The following RGPD4 variants were observed in gnomAD, a reference collection of about 807,000 sequenced individuals.
RGPD4 encodes the protein ranBP2-like and GRIP domain-containing protein 4.
In RGPD4, 84 loss-of-function variants were observed where a neutral mutation model predicts 141.1. The observed-to-expected ratio is 0.60, with a 90% CI of 0.50 to 0.71. The LOEUF is 0.71. RGPD4 is among the 30% of genes least tolerant of loss of function. The pLI, the probability that RGPD4 is intolerant of heterozygous loss-of-function variation, is 0.00. For synonymous variants in RGPD4, 298 were observed against 566.8 expected, an observed-to-expected ratio of 0.53 and a Z score of 6.74; for missense variants, 918 against 1,622.4, an observed-to-expected ratio of 0.57 and a Z score of 7.46.
chr2:107,879,894 A>C (rs1188838576), intron 20 of RGPD4, 74 bp from the exon 21 acceptor site: 6 of 1,557,050 alleles, frequency 3.9e-6, no homozygotes, highest in Admixed American at 1.8e-5. Flanking sequence ...ATTTATATTT[A>C]GATTTTTCTT....
At chr2:107,880,134 G>T in intron 21 of RGPD4, 27 bp downstream of exon 21, 4 of 1,611,198 alleles carry the variant, frequency 2.5e-6, no homozygotes, top group Non-Finnish European at 3.4e-6. Flanking sequence ...TGGCCACCAT[G>T]AAAACTGCCA....
At chr2:107,845,686 C>T (rs1388288893) in intron 6 of RGPD4, among the ~76,000 whole-genome samples, 1 of 152,412 alleles carries the variant, frequency 6.6e-6, no homozygotes, top group Non-Finnish European at 1.5e-5. Flanking sequence ...GCCTCAGCCT[C>T]CTGAGTAGCT....
At chr2:107,885,114 A>C (rs538369476) in intron 22 of RGPD4, among the ~76,000 whole-genome samples, 2 of 152,098 alleles carry the variant, frequency 1.3e-5, no homozygotes, top group Non-Finnish European at 2.9e-5. Context: ...ATAAGAATAC[A>C]TCATGTATAT....
intron 20 of RGPD4, among the ~76,000 whole-genome samples, chr2:107,874,186 A>G (rs1221419748): frequency 6.6e-6 from 1 of 151,596 alleles, no homozygotes; most frequent in East Asian, 1.9e-4. Context: ...AACGTCTGCC[A>G]GTATTCACAT....
chr2:107,872,835 G>A lies in RGPD4; in HGVS notation c.4831G>A (p.Glu1611Lys), dbSNP rs958321250. 1.6e-5 allele frequency: 25 copies of A among 1,605,782 alleles called. 1 individual carries two copies. In the African/African-American group the frequency reaches 1.9e-4, roughly 12 times the overall value. The change falls in exon 20 of 23, where the codon GAA (glutamate) becomes AAA (lysine). Residue 1611 changes from glutamate (E) to lysine (K), a missense_variant. By Grantham distance (56) the Glu-to-Lys change is moderately conservative. Transcript: ENST00000408999. ...KCELSKNSDI[E>K]QSSDSKVKNL... ...TGAACTGTCAAAGAACTCTGATATC[G>A]AACAGTCTTCAGATAGCAAAGTCAA...
chr2:107,827,633 C>T (rs1681265698), intron 1 of RGPD4, among the ~76,000 whole-genome samples: 1 of 55,968 alleles, frequency 1.8e-5, no homozygotes, highest in African/African-American at 8.5e-5. Flanking sequence ...GGCGTCATGG[C>T]TCCCGACGGG....
At position 107,826,982 on chromosome 2, in the gene RGPD4, T is replaced by A; in HGVS notation, c.-32T>A. 1 of 1,586,782 alleles carries A rather than the reference T, an allele frequency of 6.3e-7. No homozygotes were observed. The highest frequency in any genetic ancestry group is 8.6e-7 in the Non-Finnish European group (1 of 1,168,260). ...ACTGCTGCGGGGCTGAGCGCTGGTT[T>A]CACGCGTCTCGGGAGCCAGGTTGGT... On this transcript the variant is annotated 5_prime_UTR_variant, in exon 1 of 23. Coordinates refer to ENST00000408999, the MANE Select transcript of RGPD4 (RefSeq NM_182588.3).
At chr2:107,887,061 G>A (rs1342412913) in intron 22 of RGPD4, among the ~76,000 whole-genome samples, 2 of 147,518 alleles carry the variant, frequency 1.4e-5, no homozygotes, top group Non-Finnish European at 1.5e-5. Context: ...TGGGCAACAT[G>A]GCGAGACCCT....
At chr2:107,833,835 G>C (rs1156613405) in intron 1 of RGPD4, among the ~76,000 whole-genome samples, 1 of 152,040 alleles carries the variant, frequency 6.6e-6, no homozygotes, top group African/African-American at 2.4e-5. Flanking sequence ...TCGAGAGAGC[G>C]ACACCATCTG....
chr2:107,873,688 A>C (rs1333628195), intron 20 of RGPD4, among the ~76,000 whole-genome samples: 1 of 151,886 alleles, frequency 6.6e-6, no homozygotes, highest in Non-Finnish European at 1.5e-5. Flanking sequence ...ACAGGGATAA[A>C]TGAATATGTA....
chr2:107,883,834 C>T (rs904494992), intron 22 of RGPD4, among the ~76,000 whole-genome samples: 1 of 152,048 alleles, frequency 6.6e-6, no homozygotes, highest in Non-Finnish European at 1.5e-5. Context: ...TTTACAAGCA[C>T]AAGGAAGGCG....
At chr2:107,865,672 T>C (rs1387307007) in intron 17 of RGPD4, among the ~76,000 whole-genome samples, 1 of 151,954 alleles carries the variant, frequency 6.6e-6, no homozygotes, top group Non-Finnish European at 1.5e-5. Context: ...AAGTTTTGTA[T>C]TAACGAATGA....
chr2:107,878,002 A>G (rs1044442237), intron 20 of RGPD4, among the ~76,000 whole-genome samples: 2 of 151,152 alleles, frequency 1.3e-5, no homozygotes, highest in Admixed American at 6.6e-5. Context: ...TAGTAGAGAT[A>G]GGGTTTCACC....
chr2:107,832,917 CTT>C (rs1279399657), intron 1 of RGPD4, among the ~76,000 whole-genome samples: 1 of 148,908 alleles, frequency 6.7e-6, no homozygotes, highest in Non-Finnish European at 1.5e-5. Context: ...ATTTCTTACC[CTT>C]TTTTTTAATG....
chr2:107,827,143 ACCTGG>A (rs1681223413), intron 1 of RGPD4, 58 bp downstream of exon 1: 1 of 566,388 alleles, frequency 1.8e-6, no homozygotes, highest in Non-Finnish European at 2.4e-6. Context: ...GGAGGCCTCG[ACCTGG>A]CCCGGCGGCG....
rs749108928 is a variant in RGPD4 at position 107,882,700 on chromosome 2, A to T, written c.5093A>T (p.Glu1698Val). The T allele has an allele frequency of 6.2e-7, 1 of 1,611,612 alleles. No homozygotes were observed. Among genetic ancestry groups the T allele is most frequent in the East Asian group, 2.2e-5 (1 of 44,878 alleles). The change falls in exon 22 of 23, where the codon GAA becomes GTA. Residue 1698 changes from glutamate to valine, a missense_variant. By Grantham distance (121) the Glu-to-Val change is moderately radical. Coordinates refer to ENST00000408999, the MANE Select transcript of RGPD4 (RefSeq NM_182588.3). ...CTCAAAAGTGAAATAAGAAGATTGGAAAGGAATCAAGAGCAAGAGGAGTCT... is the reference window on the plus strand; with the variant it reads ...CTCAAAAGTGAAATAAGAAGATTGGTAAGGAATCAAGAGCAAGAGGAGTCT... ...KLLKSEIRRLERNQEQEESAA... is the reference protein window; with the variant it reads ...KLLKSEIRRLVRNQEQEESAA...
At chr2:107,878,536 A>G (rs553454557) in intron 20 of RGPD4, among the ~76,000 whole-genome samples, 149 of 151,496 alleles carry the variant, frequency 9.8e-4, no homozygotes, top group African/African-American at 3.5e-3. Context: ...TGTCTTATTT[A>G]ATTACTATTA....
intron 6 of RGPD4, among the ~76,000 whole-genome samples, chr2:107,846,823 GA>G (rs1681968149): frequency 6.6e-6 from 1 of 151,550 alleles, no homozygotes; most frequent in Non-Finnish European, 1.5e-5. Flanking sequence ...AAAGTAGTCA[GA>G]AAAGTGTCAT....
rs556978223 is a variant in RGPD4 at position 107,882,606 on chromosome 2, G to A, written c.5065-66G>A. 231 of 1,414,166 alleles carry A rather than the reference G, an allele frequency of 1.6e-4. 1 individual carries two copies. The African/African-American group carries it at 2.7e-3, about 17-fold the overall frequency. The allele number at this position is 1,414,166 out of a possible 1,614,324, so 87.6% of individuals were successfully genotyped here. A position where few individuals can be genotyped will look rare whatever the true frequency, so the allele number is the denominator to read the frequency against. On this transcript the variant is annotated intron_variant, in intron 21 of 22. Coordinates refer to ENST00000408999, the MANE Select transcript of RGPD4 (RefSeq NM_182588.3). Reference sequence around the variant, plus strand: ...GGGGGAAGAGAAGAAAAATACATGAGTTCAGTCTGCCATATTTAATCAGAA... The same window carrying A: ...GGGGGAAGAGAAGAAAAATACATGAATTCAGTCTGCCATATTTAATCAGAA...
Sources: gnomAD v4.1 joint callset for allele counts (sites outside exome capture counted in the v4.1 genomes callset) on GRCh38, gnomAD v4.1.1 for gene constraint, MANE v1.5 for transcripts, NCBI Gene and HGNC (gene_info 2026-07-23, HGNC 2026-07-21) for gene names.